Variants in CEP85L observed in about 807,000 individuals in gnomAD.
CEP85L encodes centrosomal protein of 85 kDa-like.
In CEP85L, 60 loss-of-function variants were observed where a neutral mutation model predicts 100.3. The ratio of observed to expected loss-of-function variants is 0.60; its 90% CI spans 0.49 to 0.74. The LOEUF (loss-of-function observed/expected upper bound fraction) is 0.74. Among genes scored for constraint, CEP85L ranks in the 30% least tolerant of loss-of-function variants. CEP85L has a pLI of 0.00. For synonymous variants in CEP85L, 319 were observed against 322.7 expected (o/e 0.99, Z 0.12); for missense variants, 973 against 936.2 (o/e 1.04, Z -0.51).
intron 2 of CEP85L, among the ~76,000 whole-genome samples, chr6:118,593,280 A>G (rs973372163): frequency 2.0e-5 from 3 of 152,102 alleles, no homozygotes; most frequent in Non-Finnish European, 2.9e-5. Context: ...GAATATACTA[A>G]AAGTCATTGA....
rs879712879 is a variant in CEP85L, at chr6:118,608,494, C to CA, written c.232+23958dup. 6.8e-3 allele frequency among the ~76,000 whole-genome samples: 913 copies of CA among 134,412 alleles called. 6 individuals are homozygous for CA. Among genetic ancestry groups the CA allele is most frequent in the African/African-American group, 0.022 (790 of 36,588 alleles). The allele number at this position is 134,412 out of a possible 152,430, so 88.2% of individuals were successfully genotyped here. A position where few individuals can be genotyped will look rare whatever the true frequency, so the allele number is the denominator to read the frequency against. Reference sequence around the variant, plus strand: ...TGGGCGACAGAGCAAGATTCCATCTCAAAAAAAAAAAAGAACATTTCTGAC... The same window carrying CA: ...TGGGCGACAGAGCAAGATTCCATCTCAAAAAAAAAAAAAGAACATTTCTGAC... On this transcript the variant is annotated intron_variant, in intron 2 of 12. Transcript: ENST00000368491.
At chr6:118,703,716 G>A (rs553124819) in intron 1 of CEP85L, among the ~76,000 whole-genome samples, 1 of 152,302 alleles carries the variant, frequency 6.6e-6, no homozygotes, top group African/African-American at 2.4e-5. Flanking sequence ...CCTACCATAT[G>A]CTCTTGTATT....
chr6:118,526,035 A>G (rs1776942389), intron 3 of CEP85L, among the ~76,000 whole-genome samples: 1 of 152,222 alleles, frequency 6.6e-6, no homozygotes, highest in South Asian at 2.1e-4. Flanking sequence ...ACAGGATAGG[A>G]TGAACAGACT....
At chr6:118,469,420 T>C in intron 11 of CEP85L, 117 bp from the exon 12 acceptor site, 2 of 718,802 alleles carry the variant, frequency 2.8e-6, no homozygotes, top group East Asian at 2.6e-5. Flanking sequence ...TCATATTATA[T>C]GCACATTAAC....
At chr6:118,531,179 TAG>T (rs1224126360) in intron 3 of CEP85L, among the ~76,000 whole-genome samples, 2 of 151,866 alleles carry the variant, frequency 1.3e-5, no homozygotes, top group African/African-American at 4.8e-5. Context: ...TGAAACAAAA[TAG>T]AGAGCTCAGA....
At chr6:118,488,078 G>T (rs1582894448) in intron 6 of CEP85L, among the ~76,000 whole-genome samples, 3 of 152,038 alleles carry the variant, frequency 2.0e-5, no homozygotes, top group Admixed American at 2.0e-4. Flanking sequence ...ATTAGTGAGG[G>T]TCTTCTCCTG....
At chr6:118,697,594 A>T (rs1248856289) in intron 1 of CEP85L, among the ~76,000 whole-genome samples, 1 of 152,172 alleles carries the variant, frequency 6.6e-6, no homozygotes, top group African/African-American at 2.4e-5. Flanking sequence ...GCTATATGTA[A>T]ACTATGCTAG....
At chr6:118,664,558 A>C (rs1484322872) in intron 1 of CEP85L, 1 of 152,482 alleles carries the variant, frequency 6.6e-6, no homozygotes, top group Admixed American at 6.5e-5. Flanking sequence ...GAGGCATGCA[A>C]GTTGCAAAGT....
chr6:118,601,923 C>T (rs971170502), intron 2 of CEP85L, among the ~76,000 whole-genome samples: 1 of 152,158 alleles, frequency 6.6e-6, no homozygotes, highest in Non-Finnish European at 1.5e-5. Context: ...TTGTACTGAC[C>T]TCCTATCTCA....
At chr6:118,616,540 A>G (rs76079096) in intron 2 of CEP85L, among the ~76,000 whole-genome samples, 2 of 144,228 alleles carry the variant, frequency 1.4e-5, no homozygotes, top group East Asian at 4.0e-4. Context: ...CAAAACAATG[A>G]AAAAAAAAAA....
At chr6:118,481,645 G>C in intron 8 of CEP85L, 134 bp downstream of exon 8, 1 of 501,040 alleles carries the variant, frequency 2.0e-6, no homozygotes, top group Non-Finnish European at 3.3e-6. Context: ...AGGCAGTTTG[G>C]ATAAGGGATG....
chr6:118,668,853 A>G (rs1453374287), intron 1 of CEP85L, among the ~76,000 whole-genome samples: 2 of 152,288 alleles, frequency 1.3e-5, no homozygotes, highest in African/African-American at 4.8e-5. Flanking sequence ...GCTGCTTCTT[A>G]TCTGGCTTTG....
At chr6:118,698,409 C>T (rs1418894509) in intron 1 of CEP85L, among the ~76,000 whole-genome samples, 1 of 152,054 alleles carries the variant, frequency 6.6e-6, no homozygotes, top group Non-Finnish European at 1.5e-5. Flanking sequence ...ATGAGATGAC[C>T]AGGTTCCTTT....
rs1263163183 is a variant in CEP85L, at chr6:118,479,894, C to G, written c.1891G>C (p.Asp631His). ...ACCTGAATTTCTAAAATCATTCTGTCAATCTCATCTTGTTGGCTGTCTATT... is the reference window on the plus strand; with the variant it reads ...ACCTGAATTTCTAAAATCATTCTGTGAATCTCATCTTGTTGGCTGTCTATT... Reference protein sequence around the residue: ...KIIDSQQDEIDRMILEIQSMQ... With the variant: ...KIIDSQQDEIHRMILEIQSMQ... Residue 631 changes from aspartate (D) to histidine (H), a missense_variant, in exon 10 of 13, where the codon GAC (aspartate) becomes CAC (histidine). Physicochemically the swap from Asp to His is moderately conservative, Grantham distance 81. Transcript: ENST00000368491. 6.6e-7 allele frequency: 1 copy of G among 1,504,430 alleles called. No homozygotes were observed. The highest frequency in any genetic ancestry group is 9.1e-7 in the Non-Finnish European group (1 of 1,103,794). 93.2% of individuals were successfully genotyped at this position (1,504,430 alleles called of 1,614,324 possible).
chr6:118,688,970 AC>A (rs1776939497), intron 1 of CEP85L, among the ~76,000 whole-genome samples: 1 of 152,208 alleles, frequency 6.6e-6, no homozygotes, highest in African/African-American at 2.4e-5. Context: ...CTTCATCCAC[AC>A]TTCCTTCAAA....
Position 118,564,350 on chromosome 6 carries a change from TATA to T in CEP85L, c.1020+1176_1020+1178del, listed in dbSNP as rs1779384044. Among the ~76,000 whole-genome samples the T allele has an allele frequency of 2.0e-5, 3 of 152,248 alleles. No homozygotes were observed. In the South Asian group the frequency reaches 6.2e-4, roughly 31 times the overall value. ...ACAACTGCCTGGATCTCTGTTTTCCTATAATGACAAACATTTGAAAACTAAAAC... is the reference window on the plus strand; with the variant it reads ...ACAACTGCCTGGATCTCTGTTTTCCTATGACAAACATTTGAAAACTAAAAC... On this transcript the variant is annotated intron_variant, in intron 3 of 12. Transcript: ENST00000368491.
intron 3 of CEP85L, among the ~76,000 whole-genome samples, chr6:118,529,226 T>A (rs1777143068): frequency 1.3e-5 from 2 of 152,242 alleles, no homozygotes; most frequent in Non-Finnish European, 2.9e-5. Context: ...AAAGGTTTTC[T>A]GCCTTTATTT....
intron 3 of CEP85L, among the ~76,000 whole-genome samples, chr6:118,550,965 A>G (rs1778506896): frequency 6.6e-6 from 1 of 151,844 alleles, no homozygotes; most frequent in South Asian, 2.1e-4. Flanking sequence ...CTGGAAGGCA[A>G]AATTCAAACT....
At chr6:118,550,192 A>G (rs1778460126) in intron 3 of CEP85L, among the ~76,000 whole-genome samples, 1 of 151,930 alleles carries the variant, frequency 6.6e-6, no homozygotes, top group Non-Finnish European at 1.5e-5. Flanking sequence ...CTCAAATATC[A>G]AATCCATTTT....
Sources: allele counts gnomAD v4.1 joint callset (sites outside exome capture counted in the v4.1 genomes callset), GRCh38; gene constraint gnomAD v4.1.1; transcripts MANE v1.5; gene names NCBI Gene and HGNC (gene_info 2026-07-23, HGNC 2026-07-21).